The following PDE1C variants were observed in gnomAD, a reference collection of about 807,000 sequenced individuals.
The protein encoded by PDE1C is dual specificity calcium/calmodulin-dependent 3',5'-cyclic nucleotide phosphodiesterase 1C.
A neutral mutation model predicts 93.1 loss-of-function variants in PDE1C; 62 were observed. The observed-to-expected ratio is 0.67, with a 90% CI of 0.54 to 0.82. PDE1C has a LOEUF of 0.82. Among genes scored for constraint, PDE1C ranks in the 40% least tolerant of loss-of-function variants. The pLI is 0.00. For missense variants in PDE1C, 742 were observed against 884.6 expected, an observed-to-expected ratio of 0.84 and a Z score of 2.04; for synonymous variants, 325 against 310.1, an observed-to-expected ratio of 1.05 and a Z score of -0.50.
At chr7:31,669,768 T>C in the PDE1C span, among the ~76,000 whole-genome samples, 3 of 152,248 alleles carry the variant, frequency 2.0e-5, no homozygotes, top group Non-Finnish European at 4.4e-5. Flanking sequence ...ATTTGAGGTC[T>C]GCTTTTCAAC....
chr7:31,785,041 T>C (rs575707270), intron 16 of PDE1C: 5 of 152,352 alleles, frequency 3.3e-5, no homozygotes, highest in African/African-American at 1.2e-4. Context: ...GGACAATCTA[T>C]TTAAAACCCA....
the PDE1C span, among the ~76,000 whole-genome samples, chr7:31,737,737 G>T: frequency 1.4e-5 from 2 of 146,008 alleles, no homozygotes; most frequent in African/African-American, 2.6e-5. Context: ...GGAGGCGGAG[G>T]TTGCAGTGAG....
chr7:32,027,727 G>A (rs560664365), intron 2 of PDE1C, among the ~76,000 whole-genome samples: 4 of 137,764 alleles, frequency 2.9e-5, no homozygotes, highest in Admixed American at 7.6e-5. Flanking sequence ...TATGAGCTGC[G>A]TTACAAATGA....
Position 32,083,501 on chromosome 7 carries a change from T to A in PDE1C, c.308+86284A>T, listed in dbSNP as rs566315551. Among the ~76,000 whole-genome samples, 201 of 152,094 alleles carry A rather than the reference T, an allele frequency of 1.3e-3. 1 individual carries two copies. Among genetic ancestry groups the A allele is most frequent in the African/African-American group, 4.6e-3 (189 of 41,478 alleles). ...ACTCAGATTCAGGAAATACAGAGAA[T>A]GCCACAAAGATACTCCTCAAGAAGA... On this transcript the variant is annotated intron_variant, in intron 3 of 18. Transcript: ENST00000396193.
At chr7:32,286,744 A>G (rs928780942) in intron 1 of PDE1C, among the ~76,000 whole-genome samples, 2 of 152,214 alleles carry the variant, frequency 1.3e-5, no homozygotes, top group African/African-American at 4.8e-5. Context: ...GTATGATCCC[A>G]TTTAAATAGA....
chr7:32,212,822 C>T (rs1019382508), intron 1 of PDE1C, among the ~76,000 whole-genome samples: 5 of 152,170 alleles, frequency 3.3e-5, no homozygotes, highest in Admixed American at 6.5e-5. Flanking sequence ...AACTCCCCTT[C>T]CCACACCTGC....
intron 2 of PDE1C, among the ~76,000 whole-genome samples, chr7:31,923,312 A>G (rs1802871585): frequency 6.6e-6 from 1 of 152,134 alleles, no homozygotes; most frequent in African/African-American, 2.4e-5. Context: ...GAGAACTTTT[A>G]AAGACTGTGG....
intron 1 of PDE1C, among the ~76,000 whole-genome samples, chr7:32,241,303 C>G (rs76968547): frequency 2.0e-5 from 3 of 152,194 alleles, no homozygotes; most frequent in Admixed American, 2.0e-4. Flanking sequence ...TGACGCAGCA[C>G]AGCCAACCTA....
chr7:31,963,111 C>T (rs1809275796), intron 2 of PDE1C, among the ~76,000 whole-genome samples: 1 of 152,012 alleles, frequency 6.6e-6, no homozygotes. Context: ...TTTTTAAAAG[C>T]CAGATGGTCA....
chr7:32,085,232 C>T (rs1243715411), intron 3 of PDE1C, among the ~76,000 whole-genome samples: 1 of 149,144 alleles, frequency 6.7e-6, no homozygotes, highest in Non-Finnish European at 1.5e-5. Flanking sequence ...CAACTCTACG[C>T]AAATAAACTA....
At chr7:31,645,485 G>A in the PDE1C span, among the ~76,000 whole-genome samples, 2 of 152,096 alleles carry the variant, frequency 1.3e-5, no homozygotes, top group Non-Finnish European at 2.9e-5. Flanking sequence ...TTTTCCAAAA[G>A]TTCAGTGGAA....
intron 2 of PDE1C, among the ~76,000 whole-genome samples, chr7:31,980,565 C>CATAGTTCCACCTGCG (rs968824618): frequency 3.3e-5 from 5 of 152,350 alleles, no homozygotes; most frequent in Middle Eastern, 3.4e-3. Flanking sequence ...TGATCAAAGA[C>CATAGTTCCACCTGCG]ATAGTTCCAC....
At chr7:32,367,386 A>G (rs1288801753) in intron 1 of PDE1C, among the ~76,000 whole-genome samples, 1 of 152,218 alleles carries the variant, frequency 6.6e-6, no homozygotes, top group Non-Finnish European at 1.5e-5. Context: ...AGCAAATAAA[A>G]TGATGAGAGT....
At chr7:31,657,875 A>G in the PDE1C span, among the ~76,000 whole-genome samples, 5 of 152,240 alleles carry the variant, frequency 3.3e-5, no homozygotes, top group Non-Finnish European at 7.4e-5. Flanking sequence ...AGAAAAAGTA[A>G]AATCACACTA....
intron 7 of PDE1C, among the ~76,000 whole-genome samples, chr7:31,859,427 T>C (rs1425310459): frequency 6.9e-6 from 1 of 144,012 alleles, no homozygotes; most frequent in African/African-American, 2.5e-5. Flanking sequence ...ATATAGAATA[T>C]ATTATATATC....
At chr7:31,764,933 G>T (rs535370942) in intron 17 of PDE1C, among the ~76,000 whole-genome samples, 30 of 152,286 alleles carry the variant, frequency 2.0e-4, no homozygotes, top group Non-Finnish European at 4.1e-4. Context: ...TGATGATTGG[G>T]ATCTACAGAT....
At chr7:31,645,409 A>G in the PDE1C span, among the ~76,000 whole-genome samples, 2 of 152,156 alleles carry the variant, frequency 1.3e-5, no homozygotes, top group Non-Finnish European at 2.9e-5. Context: ...TATGAACCTA[A>G]TATTAGTGAG....
chr7:31,654,639 C>T, the PDE1C span, among the ~76,000 whole-genome samples: 2 of 152,076 alleles, frequency 1.3e-5, no homozygotes, highest in East Asian at 3.9e-4. Flanking sequence ...TTGTGAGGCT[C>T]CCACCCCAGT....
intron 2 of PDE1C, among the ~76,000 whole-genome samples, chr7:32,046,050 A>T (rs573751111): frequency 5.3e-5 from 8 of 152,162 alleles, no homozygotes; most frequent in Non-Finnish European, 1.2e-4. Flanking sequence ...CACATTAGAC[A>T]TTCATGGAAA....
Sources: gnomAD v4.1 joint callset for allele counts (sites outside exome capture counted in the v4.1 genomes callset) on GRCh38, gnomAD v4.1.1 for gene constraint, MANE v1.5 for transcripts, NCBI Gene and HGNC (gene_info 2026-07-23, HGNC 2026-07-21) for gene names.